SPTBN1: variants seen among roughly 807,000 people sequenced by gnomAD.
SPTBN1 encodes spectrin beta chain, non-erythrocytic 1.
Under a neutral mutation model 266.4 loss-of-function variants are expected in SPTBN1, and 32 were observed. The ratio of observed to expected loss-of-function variants is 0.12; its 90% confidence interval spans 0.09 to 0.16. SPTBN1 has a LOEUF of 0.16. Ranked by LOEUF, SPTBN1 falls within the 10% of genes least tolerant of loss-of-function variation. The pLI is 1.00. For missense variants in SPTBN1, 2,296 were observed against 3,067.1 expected (o/e 0.75, Z 5.94); for synonymous variants, 1,336 against 1,162.2 (o/e 1.15, Z -3.04).
chr2:54,593,328 C>T (rs1675812131), intron 2 of SPTBN1, among the ~76,000 whole-genome samples: 1 of 152,138 alleles, frequency 6.6e-6, no homozygotes, highest in East Asian at 1.9e-4. Context: ...GTTAGGAGCC[C>T]TTCTTTCTGT....
intron 1 of SPTBN1, among the ~76,000 whole-genome samples, chr2:54,501,247 C>T (rs1183357953): frequency 1.3e-5 from 2 of 152,190 alleles, no homozygotes; most frequent in Non-Finnish European, 2.9e-5. Flanking sequence ...CCCACATGAG[C>T]TACCAGAGGC....
At chr2:54,662,883 G>A (rs1253360428) in intron 32 of SPTBN1, 2 of 152,208 alleles carry the variant, frequency 1.3e-5, no homozygotes, top group Non-Finnish European at 2.9e-5. Flanking sequence ...CAGCACTTGT[G>A]CGCACACACA....
At chr2:54,501,620 T>G (rs921505397) in intron 1 of SPTBN1, among the ~76,000 whole-genome samples, 2 of 152,234 alleles carry the variant, frequency 1.3e-5, no homozygotes, top group African/African-American at 4.8e-5. Flanking sequence ...GATTCTGAAT[T>G]GGTCAGTTCC....
intron 2 of SPTBN1, among the ~76,000 whole-genome samples, chr2:54,594,646 A>G (rs1376331704): frequency 6.6e-6 from 1 of 152,030 alleles, no homozygotes; most frequent in Non-Finnish European, 1.5e-5. Context: ...AAAAAAAGTC[A>G]TTTTCTTTCC....
chr2:54,573,612 C>T (rs529085154), intron 2 of SPTBN1, among the ~76,000 whole-genome samples: 3 of 152,282 alleles, frequency 2.0e-5, no homozygotes, highest in Admixed American at 6.5e-5. Flanking sequence ...CCTCCCTCAG[C>T]GGGAATTCAC....
At chr2:54,538,835 T>C (rs1350292836) in intron 2 of SPTBN1, among the ~76,000 whole-genome samples, 1 of 152,198 alleles carries the variant, frequency 6.6e-6, no homozygotes, top group Non-Finnish European at 1.5e-5. Context: ...TCTTTAGGCA[T>C]CCTAAGAAAC....
chr2:54,547,831 C>T (rs911724990), intron 2 of SPTBN1, among the ~76,000 whole-genome samples: 2 of 152,170 alleles, frequency 1.3e-5, no homozygotes, highest in African/African-American at 4.8e-5. Context: ...TCTTTCTCTT[C>T]ATTCTTCACC....
At chr2:54,572,422 CGCG>C (rs1674151187) in intron 2 of SPTBN1, among the ~76,000 whole-genome samples, 1 of 151,708 alleles carries the variant, frequency 6.6e-6, no homozygotes, top group African/African-American at 2.4e-5. Flanking sequence ...CTTTTCTAAC[CGCG>C]AGTGTCTTTG....
chr2:54,572,025 C>G (rs1281998253), intron 2 of SPTBN1, among the ~76,000 whole-genome samples: 1 of 152,092 alleles, frequency 6.6e-6, no homozygotes. Flanking sequence ...TCCCCTCATC[C>G]CCTTAAAGCT....
intron 2 of SPTBN1, among the ~76,000 whole-genome samples, chr2:54,548,770 A>T (rs866903452): frequency 6.6e-6 from 1 of 152,160 alleles, no homozygotes; most frequent in Non-Finnish European, 1.5e-5. Context: ...AGGAATTTTT[A>T]AAAGGAACTT....
At chr2:54,531,332 T>A (rs1426052409) in intron 2 of SPTBN1, among the ~76,000 whole-genome samples, 2 of 152,190 alleles carry the variant, frequency 1.3e-5, no homozygotes, top group Non-Finnish European at 2.9e-5. Context: ...TGAATTGAAT[T>A]GTAGCATACC....
chr2:54,592,283 T>C (rs1488929919), intron 2 of SPTBN1, among the ~76,000 whole-genome samples: 1 of 152,252 alleles, frequency 6.6e-6, no homozygotes, highest in Non-Finnish European at 1.5e-5. Flanking sequence ...GTTATGCTTC[T>C]AGAAGAGGAT....
Position 54,631,308 on chromosome 2 carries a change from G to C in SPTBN1, c.3261G>C (p.Ser1087=), listed in dbSNP as rs568530945. The C allele has an allele frequency of 9.9e-6, 16 of 1,614,120 alleles. No homozygotes were observed. The highest frequency in any genetic ancestry group is 1.4e-5 in the Non-Finnish European group (16 of 1,180,048). Residue 1087 remains serine, a synonymous_variant, in exon 16 of 36, where the codon TCG becomes TCC. Transcript: ENST00000356805. ...CTAGGACCCAGACAGCGATCGCCTC[G>C]GAGGACATGCCAAACACCCTGACCG... The part of the protein sequence containing the change: ...WLSRTQTAIA[S]EDMPNTLTEA...
rs1694001466 is a variant in SPTBN1 at position 54,472,923 on chromosome 2, A to G, written c.-48+16405A>G. Among the ~76,000 whole-genome samples, 4 of 152,236 alleles carry G rather than the reference A, an allele frequency of 2.6e-5. No homozygotes were observed. In the South Asian group the frequency reaches 8.3e-4, roughly 32 times the overall value. On this transcript the variant is annotated intron_variant, in intron 1 of 35. Coordinates refer to ENST00000356805, the MANE Select transcript of SPTBN1 (RefSeq NM_003128.3). ...TTTATTTTGAGAGGCTTAAATACAA[A>G]CCAAGTTTCTATACTAAAGGATTTC...
chr2:54,593,485 T>C (rs547379859), intron 2 of SPTBN1, among the ~76,000 whole-genome samples: 1 of 152,236 alleles, frequency 6.6e-6, no homozygotes, highest in South Asian at 2.1e-4. Flanking sequence ...TGGGTTGTGT[T>C]GGTAGGTAAG....
rs1195822846 is a variant in SPTBN1 at position 54,669,237 on chromosome 2, T to A, written c.*668T>A. On this transcript the variant is annotated 3_prime_UTR_variant, in exon 36 of 36. Coordinates refer to ENST00000356805, the MANE Select transcript of SPTBN1 (RefSeq NM_003128.3). ...ATACTGTTTTAAATAATCTGTAATTTCAATTTTTTTTTTTTGCTGAAATAC... is the reference window on the plus strand; with the variant it reads ...ATACTGTTTTAAATAATCTGTAATTACAATTTTTTTTTTTTGCTGAAATAC... The A allele has an allele frequency of 3.3e-5, 1 of 30,226 alleles. No homozygotes were observed. The highest frequency in any genetic ancestry group is 1.9e-4 in the African/African-American group (1 of 5,302). The allele number at this position is 30,226 out of a possible 1,614,324, so 1.9% of individuals were successfully genotyped here. A position where few individuals can be genotyped will look rare whatever the true frequency, so the allele number is the denominator to read the frequency against.
rs144228813 is a variant in SPTBN1 at position 54,494,105 on chromosome 2, G to C, written c.-47-32267G>C. On this transcript the variant is annotated intron_variant, in intron 1 of 35. Transcript: ENST00000356805. Reference sequence around the variant, plus strand: ...AAGAATGAGGTACGGTGTAGGAATTGGACAGCAGACAGAGTGCAAGTTTTT... The same window carrying C: ...AAGAATGAGGTACGGTGTAGGAATTCGACAGCAGACAGAGTGCAAGTTTTT... 6.8e-4 allele frequency among the ~76,000 whole-genome samples: 104 copies of C among 152,302 alleles called. 1 individual carries two copies. Among genetic ancestry groups the C allele is most frequent in the African/African-American group, 2.4e-3 (99 of 41,560 alleles).
intron 28 of SPTBN1, among the ~76,000 whole-genome samples, chr2:54,655,414 AT>A (rs35821707): frequency 6.6e-6 from 1 of 152,144 alleles, no homozygotes; most frequent in South Asian, 2.1e-4. Flanking sequence ...ACAGAAGACA[AT>A]TTTTGAGGGC....
rs1681674135 is a variant in SPTBN1, at chr2:54,671,259, G to A, written c.*2690G>A. On this transcript the variant is annotated 3_prime_UTR_variant, in exon 36 of 36. Transcript: ENST00000356805. ...GGGTGTACCGAGAGTGCCAGTGACT[G>A]TGCTTCTTACAATTCCTGGCATCTT... 1 of 153,682 alleles carries A rather than the reference G, an allele frequency of 6.5e-6. No individual in the cohort carries two copies. Among genetic ancestry groups the A allele is most frequent in the African/African-American group, 2.4e-5 (1 of 41,510 alleles). The allele number at this position is 153,682 out of a possible 1,614,324, so 9.5% of individuals were successfully genotyped here. A position where few individuals can be genotyped will look rare whatever the true frequency, so the allele number is the denominator to read the frequency against.
Sources: allele counts gnomAD v4.1 joint callset (sites outside exome capture counted in the v4.1 genomes callset), GRCh38; gene constraint gnomAD v4.1.1; transcripts MANE v1.5; gene names NCBI Gene and HGNC (gene_info 2026-07-23, HGNC 2026-07-21).